Variants in SAR1B observed in about 807,000 individuals in gnomAD.
SAR1B encodes secretion associated Ras related GTPase 1B.
Under a neutral mutation model 26.8 loss-of-function variants are expected in SAR1B, and 23 were observed. That is an observed-to-expected ratio of 0.86 (90% CI 0.62 to 1.22). The LOEUF (loss-of-function observed/expected upper bound fraction) is 1.22. SAR1B is among the 50% of genes most tolerant of loss of function. SAR1B has a pLI of 0.00. For missense variants in SAR1B, 196 were observed against 232.8 expected, an observed-to-expected ratio of 0.84 and a Z score of 1.03; for synonymous variants, 65 against 80.8, an observed-to-expected ratio of 0.80 and a Z score of 1.05.
chr5:134,613,225 G>C (rs1765249269), intron 3 of SAR1B: 1 of 170,936 alleles, frequency 5.9e-6, no homozygotes, highest in Non-Finnish European at 1.2e-5. Flanking sequence ...CAGCAGTAGG[G>C]TGGACGCATC....
chr5:134,609,788 CA>C, intron 4 of SAR1B, 114 bp from the exon 5 acceptor site: 1 of 775,402 alleles, frequency 1.3e-6, no homozygotes, highest in South Asian at 1.4e-5. Flanking sequence ...GCTGGTACTT[CA>C]CAATATATTC....
intron 2 of SAR1B, among the ~76,000 whole-genome samples, chr5:134,622,699 C>T (rs1205274494): frequency 1.3e-5 from 2 of 151,028 alleles, no homozygotes; most frequent in African/African-American, 2.4e-5. Flanking sequence ...CGTGAGCCAC[C>T]GCGCCCGGCC....
chr5:134,608,605 C>G, intron 5 of SAR1B, 102 bp from the exon 6 acceptor site: 1 of 1,239,100 alleles, frequency 8.1e-7, no homozygotes, highest in African/African-American at 1.5e-5. Flanking sequence ...TCTACCATAT[C>G]ATGTCATACC....
At position 134,608,991 on chromosome 5, in the gene SAR1B, C is replaced by T. The variant is rs868091280; in HGVS notation, c.349-488G>A. ...TAGAACCTACCTGGACTTTTCCACACGTACAAGTATTTGTTTGCCTGCTCT... is the reference window on the plus strand; with the variant it reads ...TAGAACCTACCTGGACTTTTCCACATGTACAAGTATTTGTTTGCCTGCTCT... On this transcript the variant is annotated intron_variant, in intron 5 of 6. Transcript: ENST00000402673. The T allele has an allele frequency of 8.2e-5, 35 of 425,664 alleles. 1 individual carries two copies. The Middle Eastern group carries it at 0.011, about 133-fold the overall frequency. The allele number at this position is 425,664 out of a possible 1,614,324, so 26.4% of individuals were successfully genotyped here. A position where few individuals can be genotyped will look rare whatever the true frequency, so the allele number is the denominator to read the frequency against.
rs1765099089 is a variant in SAR1B at position 134,604,530 on chromosome 5, C to G, written c.*2420G>C. 6.6e-6 allele frequency: 1 copy of G among 152,248 alleles called. No individual in the cohort carries two copies. The highest frequency in any genetic ancestry group is 1.5e-5 in the Non-Finnish European group (1 of 68,060). 9.4% of individuals were successfully genotyped at this position (152,248 alleles called of 1,614,324 possible). On this transcript the variant is annotated 3_prime_UTR_variant, in exon 7 of 7. Coordinates refer to ENST00000402673, the MANE Select transcript of SAR1B (RefSeq NM_016103.4). ...GACAGTAAGTCCTCTGGCTCAGGAA[C>G]TCTGCCCCCTAAAGCTGGGAGGAAA...
rs1236505770 is a variant in SAR1B at position 134,605,723 on chromosome 5, C to T, written c.*1227G>A. The T allele has an allele frequency of 6.8e-6, 1 of 146,598 alleles. No individual in the cohort carries two copies. The highest frequency in any genetic ancestry group is 2.5e-5 in the African/African-American group (1 of 39,862). The allele number at this position is 146,598 out of a possible 1,614,324, so 9.1% of individuals were successfully genotyped here. ...TCTTTGTTGTATGGAGTAAGAACTA[C>T]CTGAGAGCAAATAAGAAAAAAGAAA... On this transcript the variant is annotated 3_prime_UTR_variant, in exon 7 of 7. Transcript: ENST00000402673.
intron 6 of SAR1B, among the ~76,000 whole-genome samples, chr5:134,607,844 A>G (rs775032012): frequency 1.3e-4 from 19 of 151,900 alleles, no homozygotes; most frequent in Non-Finnish European, 2.5e-4. Flanking sequence ...TATGTAAACT[A>G]AAAAAATTTT....
chr5:134,610,084 T>A (rs1431409501), intron 4 of SAR1B, among the ~76,000 whole-genome samples: 1 of 151,990 alleles, frequency 6.6e-6, no homozygotes, highest in Non-Finnish European at 1.5e-5. Flanking sequence ...CAGTGTTCAT[T>A]TTTTGACATT....
intron 4 of SAR1B, among the ~76,000 whole-genome samples, chr5:134,611,328 A>G (rs1765209144): frequency 6.6e-6 from 1 of 152,154 alleles, no homozygotes; most frequent in Non-Finnish European, 1.5e-5. Context: ...CTTTTCAACT[A>G]TATGTCGCAT....
intron 1 of SAR1B, among the ~76,000 whole-genome samples, chr5:134,627,622 C>T (rs1184929711): frequency 6.8e-6 from 1 of 147,790 alleles, no homozygotes; most frequent in African/African-American, 2.5e-5. Context: ...CACGGTGAAA[C>T]CCCGTCTCTA....
chr5:134,618,272 G>T (rs573968298), intron 3 of SAR1B: 1 of 152,204 alleles, frequency 6.6e-6, no homozygotes, highest in Non-Finnish European at 1.5e-5. Context: ...AGTCGAGATC[G>T]TGCCACTGCA....
At chr5:134,612,641 T>TCAAAAAAAAAA in intron 4 of SAR1B, 50 bp downstream of exon 4, 1 of 764,650 alleles carries the variant, frequency 1.3e-6, no homozygotes, top group East Asian at 9.5e-5. Context: ...TGAGCCTGTC[T>TCAAAAAAAAAA]AAAAAAAAAA....
In SAR1B at chr5:134,602,200, C is replaced by G. The variant is rs1302150913; in HGVS notation, c.*4750G>C. ...AAACAAAGTTGGCTTTGGATAACTT[C>G]GCTTACTTTCCTTTGAATACTTTGG... On this transcript the variant is annotated 3_prime_UTR_variant, in exon 7 of 7. Coordinates refer to ENST00000402673, the MANE Select transcript of SAR1B (RefSeq NM_016103.4). 1 of 152,196 alleles carries G rather than the reference C, an allele frequency of 6.6e-6. No homozygotes were observed. Among genetic ancestry groups the G allele is most frequent in the Non-Finnish European group, 1.5e-5 (1 of 68,028 alleles). 9.4% of individuals were successfully genotyped at this position (152,196 alleles called of 1,614,324 possible).
Position 134,609,679 on chromosome 5 carries a change from C to T in SAR1B, c.245-5G>A. 8 of 1,611,272 alleles carry T rather than the reference C, an allele frequency of 5.0e-6. No homozygotes were observed. Among genetic ancestry groups the T allele is most frequent in the Non-Finnish European group, 5.9e-6 (7 of 1,177,450 alleles). ...AGTTTTTCCACACTCTTCGAGCTAA[C>T]AAAAACAATCAGGGGTTAGAGTTTA... On this transcript the variant is annotated splice_region_variant and splice_polypyrimidine_tract_variant and intron_variant, in intron 4 of 6. Transcript: ENST00000402673.
At chr5:134,614,233 C>T (rs1765270559) in intron 3 of SAR1B, 1 of 152,148 alleles carries the variant, frequency 6.6e-6, no homozygotes, top group African/African-American at 2.4e-5. Flanking sequence ...TGTGTTATAT[C>T]TTCCATTTCT....
chr5:134,622,598 G>C (rs931671378), intron 2 of SAR1B, among the ~76,000 whole-genome samples: 13 of 151,112 alleles, frequency 8.6e-5, no homozygotes, highest in Non-Finnish European at 1.8e-4. Flanking sequence ...TTTTAGTAGA[G>C]ACGGGGTTTC....
chr5:134,613,915 C>G (rs924175318), intron 3 of SAR1B: 26 of 152,180 alleles, frequency 1.7e-4, no homozygotes, highest in African/African-American at 6.3e-4. Flanking sequence ...TCTCTCTGTG[C>G]TTCATTCTGG....
rs755109652 is a variant in SAR1B at position 134,608,388 on chromosome 5, C to G, written c.464G>C (p.Gly155Ala). The change falls in exon 6 of 7, where the codon GGT becomes GCT. Residue 155 changes from glycine to alanine, a missense_variant. Physicochemically the swap from Gly to Ala is moderately conservative, Grantham distance 60. Transcript: ENST00000402673. ...ERLREMFGLY[G>A]QTTGKGSISL... ...TTTTTTTACCTTTCCTGTTGTCTGA[C>G]CATATAAACCAAACATCTCTCGCAA... The G allele has an allele frequency of 3.2e-6, 5 of 1,586,188 alleles. No homozygotes were observed. The East Asian group carries it at 1.1e-4, about 36-fold the overall frequency.
intron 1 of SAR1B, among the ~76,000 whole-genome samples, chr5:134,630,143 C>A (rs1477455502): frequency 6.6e-6 from 1 of 151,642 alleles, no homozygotes; most frequent in Non-Finnish European, 1.5e-5. Context: ...TATGCTCAGC[C>A]AAGTGAGTAC....
Sources: allele counts gnomAD v4.1 joint callset (sites outside exome capture counted in the v4.1 genomes callset), GRCh38; gene constraint gnomAD v4.1.1; transcripts MANE v1.5; gene names NCBI Gene and HGNC (gene_info 2026-07-23, HGNC 2026-07-21).